The following SAMD4A variants were observed in gnomAD, a reference collection of about 807,000 sequenced individuals.
The protein encoded by SAMD4A is sterile alpha motif domain containing 4A, also known as protein Smaug homolog 1.
In SAMD4A, 33 loss-of-function variants were observed where a neutral mutation model predicts 81.3. The observed-to-expected ratio is 0.41, with a 90% CI of 0.31 to 0.54. SAMD4A has a LOEUF of 0.54. Ranked by LOEUF, SAMD4A falls within the 20% of genes least tolerant of loss-of-function variation. The pLI is 0.37. For synonymous variants in SAMD4A, 389 were observed against 382.1 expected, an observed-to-expected ratio of 1.02 and a Z score of -0.21; for missense variants, 854 against 951.1, an observed-to-expected ratio of 0.90 and a Z score of 1.34.
intron 7 of SAMD4A, among the ~76,000 whole-genome samples, chr14:54,761,272 A>T (rs1337256269): frequency 1.3e-5 from 2 of 152,214 alleles, no homozygotes; most frequent in Admixed American, 6.5e-5. Flanking sequence ...TACACAGCTG[A>T]TGGCAGGGCT....
chr14:54,721,818 T>G (rs1327418499), intron 3 of SAMD4A, among the ~76,000 whole-genome samples: 2 of 152,208 alleles, frequency 1.3e-5, no homozygotes, highest in Non-Finnish European at 2.9e-5. Flanking sequence ...AATAAGAGAT[T>G]CTGCTGTTCT....
intron 2 of SAMD4A, among the ~76,000 whole-genome samples, chr14:54,664,484 C>T (rs1203844883): frequency 6.6e-6 from 1 of 152,116 alleles, no homozygotes; most frequent in Non-Finnish European, 1.5e-5. Flanking sequence ...ACACATCGCC[C>T]TTGACATGCT....
chr14:54,672,368 C>T (rs1159157584), intron 2 of SAMD4A, among the ~76,000 whole-genome samples: 2 of 152,064 alleles, frequency 1.3e-5, no homozygotes, highest in African/African-American at 2.4e-5. Context: ...TAAAACCAAC[C>T]GTGGGAGACT....
chr14:54,576,055 G>C lies in SAMD4A; in HGVS notation c.196+7943G>C, dbSNP rs943396715. ...TTTTTTTTTGCTGATGCTATGGGCT[G>C]TAAAGTTGAGCTGGAAAGAGCAGGA... On this transcript the variant is annotated intron_variant, in intron 2 of 12. Transcript: ENST00000554335. 1.2e-4 allele frequency among the ~76,000 whole-genome samples: 13 copies of C among 112,182 alleles called. No individual in the cohort carries two copies. In the East Asian group the frequency reaches 3.9e-3, roughly 33 times the overall value. 73.6% of individuals were successfully genotyped at this position (112,182 alleles called of 152,430 possible).
chr14:54,688,167 A>C (rs2036328996), intron 2 of SAMD4A: 1 of 985,288 alleles, frequency 1.0e-6, no homozygotes, highest in African/African-American at 1.7e-5. Context: ...CTCACCCCTA[A>C]ACTCAGCAAA....
In SAMD4A at chr14:54,748,795, T is replaced by C. The variant is rs115404102; in HGVS notation, c.980-20T>C. The C allele has an allele frequency of 0.021, 31,778 of 1,506,954 alleles. 460 individuals carry two copies. Among genetic ancestry groups the C allele is most frequent in the Middle Eastern group, 0.1 (600 of 5,906 alleles). The allele number at this position is 1,506,954 out of a possible 1,614,324, so 93.3% of individuals were successfully genotyped here. On this transcript the variant is annotated intron_variant, in intron 4 of 12. Transcript: ENST00000554335. ...TCCCTCTCATTTCTCTCCCCATCTCTTGCACATCTTGCACCACAGATGTTC... is the reference window on the plus strand; with the variant it reads ...TCCCTCTCATTTCTCTCCCCATCTCCTGCACATCTTGCACCACAGATGTTC...
chr14:54,742,011 T>C (rs749311438), intron 4 of SAMD4A, among the ~76,000 whole-genome samples: 2 of 152,028 alleles, frequency 1.3e-5, no homozygotes, highest in Admixed American at 6.5e-5. Context: ...GGTCTACATA[T>C]TAGAAATATG....
Position 54,770,812 on chromosome 14 carries a change from T to C in SAMD4A, c.1715+590T>C, listed in dbSNP as rs2038683148. On this transcript the variant is annotated intron_variant, in intron 9 of 12. Coordinates refer to ENST00000554335, the MANE Select transcript of SAMD4A (RefSeq NM_015589.6). Reference sequence around the variant, plus strand: ...CCCATTACCTTAATATAGTTTTAAATTGAGGAATCCAATTACATATTAAAG... The same window carrying C: ...CCCATTACCTTAATATAGTTTTAAACTGAGGAATCCAATTACATATTAAAG... Among the ~76,000 whole-genome samples the C allele has an allele frequency of 2.6e-5, 4 of 152,332 alleles. 1 individual carries two copies. In the South Asian group the frequency reaches 8.3e-4, roughly 32 times the overall value.
chr14:54,702,220 A>G lies in SAMD4A; in HGVS notation c.355A>G (p.Ile119Val). The change falls in exon 3 of 13, where the codon ATT becomes GTT. Residue 119 changes from isoleucine (I) to valine (V), a missense_variant. Transcript: ENST00000554335. The part of the protein sequence containing the change: ...LAHSIEHNQH[I>V]EESRQLLSYA... ...TCACTCTATTGAACACAACCAGCAC[A>G]TTGAGGAGAGCAGGCAGCTGCTGTC... 1.2e-6 allele frequency: 2 copies of G among 1,614,168 alleles called. No individual in the cohort carries two copies. The highest frequency in any genetic ancestry group is 1.7e-6 in the Non-Finnish European group (2 of 1,180,022).
chr14:54,786,844 C>T (rs569120501), intron 12 of SAMD4A, among the ~76,000 whole-genome samples: 10 of 152,274 alleles, frequency 6.6e-5, no homozygotes, highest in Non-Finnish European at 1.0e-4. Context: ...CTCTCTGAAC[C>T]GATGGGTTTT....
At chr14:54,760,112 G>A (rs1341997298) in intron 6 of SAMD4A, 49 bp from the exon 7 acceptor site, 5 of 1,575,296 alleles carry the variant, frequency 3.2e-6, no homozygotes, top group South Asian at 1.2e-5. Flanking sequence ...GGGGGTGGAT[G>A]ACCCTTATTC....
At chr14:54,623,592 G>C (rs1007773293) in intron 2 of SAMD4A, among the ~76,000 whole-genome samples, 1 of 148,656 alleles carries the variant, frequency 6.7e-6, no homozygotes, top group Non-Finnish European at 1.5e-5. Flanking sequence ...TAATTCTGTT[G>C]GTAGAAATAA....
intron 2 of SAMD4A, among the ~76,000 whole-genome samples, chr14:54,634,292 G>T (rs1033951609): frequency 8.8e-6 from 1 of 114,278 alleles, no homozygotes; most frequent in Non-Finnish European, 1.8e-5. Context: ...TCTCGGGGGG[G>T]TGGGGGGAGG....
At position 54,775,215 on chromosome 14, in the gene SAMD4A, G is replaced by C. The variant is rs8005758; in HGVS notation, c.1917+80G>C. The C allele has an allele frequency of 3.8e-3, 5,798 of 1,544,534 alleles. 15 individuals are homozygous for C. Among genetic ancestry groups the C allele is most frequent in the Non-Finnish European group, 4.9e-3 (5,469 of 1,118,770 alleles). On this transcript the variant is annotated intron_variant, in intron 10 of 12. Transcript: ENST00000554335. ...CAGATGTCCCCCCAGGTGACCCCAG[G>C]GTGGGGAGAGAGGCCAAAGGGGACT...
At chr14:54,738,729 A>G (rs2140933247) in intron 4 of SAMD4A, among the ~76,000 whole-genome samples, 1 of 152,326 alleles carries the variant, frequency 6.6e-6, no homozygotes, top group South Asian at 2.1e-4. Flanking sequence ...GTGAGGCTCA[A>G]CCCTGCTGTA....
rs946035144 is a variant in SAMD4A, at chr14:54,782,056, C to T, written c.2045-2481C>T. 5.3e-5 allele frequency among the ~76,000 whole-genome samples: 8 copies of T among 152,268 alleles called. No homozygotes were observed. The East Asian group carries it at 1.5e-3, about 29-fold the overall frequency. On this transcript the variant is annotated intron_variant, in intron 11 of 12. Transcript: ENST00000554335. Reference sequence around the variant, plus strand: ...AGCTGGGGAGAAGAAGCGAACACCCCCACTTCCCACCTAAAAGAGCAGCCA... The same window carrying T: ...AGCTGGGGAGAAGAAGCGAACACCCTCACTTCCCACCTAAAAGAGCAGCCA...
intron 4 of SAMD4A, among the ~76,000 whole-genome samples, chr14:54,739,262 A>G (rs976968492): frequency 1.3e-5 from 2 of 152,088 alleles, no homozygotes; most frequent in African/African-American, 4.8e-5. Context: ...GGAATATACC[A>G]TATCTAAGCC....
Position 54,792,131 on chromosome 14 carries a change from C to T in SAMD4A, c.*3187C>T, listed in dbSNP as rs1162270226. On this transcript the variant is annotated 3_prime_UTR_variant, in exon 13 of 13. Transcript: ENST00000554335. ...CATGAACTGTGTACAAGACATGAAA[C>T]ATTGCTGCTGATATGTTGTTTTTTC... 1.3e-5 allele frequency: 2 copies of T among 152,222 alleles called. No individual in the cohort carries two copies. The highest frequency in any genetic ancestry group is 2.9e-5 in the Non-Finnish European group (2 of 68,032). 9.4% of individuals were successfully genotyped at this position (152,222 alleles called of 1,614,324 possible).
At chr14:54,776,098 A>G (rs2038839920) in intron 10 of SAMD4A, among the ~76,000 whole-genome samples, 1 of 151,466 alleles carries the variant, frequency 6.6e-6, no homozygotes, top group African/African-American at 2.4e-5. Flanking sequence ...GAACTCCCCC[A>G]TTTCCTAGAA....
Sources: allele counts gnomAD v4.1 joint callset (sites outside exome capture counted in the v4.1 genomes callset), GRCh38; gene constraint gnomAD v4.1.1; transcripts MANE v1.5; gene names NCBI Gene and HGNC (gene_info 2026-07-23, HGNC 2026-07-21).